Variants in SAP30BP observed in about 807,000 individuals in gnomAD.
SAP30BP encodes the protein SAP30 binding protein, also known as SAP30-binding protein.
SAP30BP carries 31 observed loss-of-function variants against 46.3 expected under a neutral mutation model. The observed-to-expected ratio is 0.67, with a 90% CI of 0.50 to 0.90. The LOEUF is 0.90. Among genes scored for constraint, SAP30BP ranks in the 40% least tolerant of loss-of-function variants. SAP30BP has a pLI of 0.00. For synonymous variants in SAP30BP, 169 were observed against 144.2 expected (o/e 1.17, Z -1.23); for missense variants, 312 against 391.0 (o/e 0.80, Z 1.70).
At chr17:75,691,645 C>T (rs1382296450) in intron 3 of SAP30BP, 3 of 370,238 alleles carry the variant, frequency 8.1e-6, no homozygotes, top group African/African-American at 6.4e-5. Context: ...CAGTTGAGTC[C>T]ATGAGAAGGG....
rs2060491356 is a variant in SAP30BP at position 75,705,995 on chromosome 17, T to C, written c.661-13T>C. The stretch of plus-strand genomic sequence containing the variant: ...CTTTGCCTGGTCTTATTCTCTTCCC[T>C]CTCCCTCTCCAGATTGAGTTTGTGA... On this transcript the variant is annotated splice_polypyrimidine_tract_variant and intron_variant, in intron 9 of 10. Transcript: ENST00000584667. 6.2e-7 allele frequency: 1 copy of C among 1,612,130 alleles called. No homozygotes were observed. Among genetic ancestry groups the C allele is most frequent in the African/African-American group, 1.3e-5 (1 of 74,854 alleles).
intron 3 of SAP30BP, chr17:75,692,167 T>C (rs568652326): frequency 3.2e-6 from 3 of 938,924 alleles, no homozygotes; most frequent in Non-Finnish European, 1.3e-6. Context: ...GAATGGGGAA[T>C]TTGGCCTGTC....
intron 3 of SAP30BP, chr17:75,691,599 A>T: frequency 2.4e-6 from 1 of 414,156 alleles, no homozygotes; most frequent in South Asian, 1.8e-5. Flanking sequence ...TTTGGGGTAG[A>T]CATGGTAGAC....
At chr17:75,702,345 A>C (rs1407513129) in intron 5 of SAP30BP, 135 bp from the exon 6 acceptor site, 1 of 505,946 alleles carries the variant, frequency 2.0e-6, no homozygotes, top group Non-Finnish European at 3.7e-6. Flanking sequence ...AAATTTTAAC[A>C]TGAGGTCAAG....
chr17:75,681,363 C>G (rs2148387071), intron 3 of SAP30BP, among the ~76,000 whole-genome samples: 1 of 152,324 alleles, frequency 6.6e-6, no homozygotes, highest in Admixed American at 6.5e-5. Context: ...GGTTCTCTGC[C>G]TCAGTGGCTA....
chr17:75,691,547 C>T (rs1401562256), intron 3 of SAP30BP: 1 of 450,734 alleles, frequency 2.2e-6, no homozygotes, highest in Admixed American at 2.5e-5. Context: ...TGTGTTTCCC[C>T]TTGAAGAGCC....
chr17:75,691,346 G>A (rs1296545026), intron 3 of SAP30BP: 2 of 443,200 alleles, frequency 4.5e-6, no homozygotes, highest in Non-Finnish European at 4.5e-6. Context: ...TAAAATAAAG[G>A]GATAAAATAC....
intron 3 of SAP30BP, among the ~76,000 whole-genome samples, chr17:75,678,776 CAG>C (rs979819351): frequency 2.0e-5 from 3 of 152,132 alleles, no homozygotes; most frequent in African/African-American, 7.2e-5. Context: ...AGCTGGAAGA[CAG>C]AAGACTCGGG....
chr17:75,685,733 A>G (rs952832231), intron 3 of SAP30BP, among the ~76,000 whole-genome samples: 7 of 152,090 alleles, frequency 4.6e-5, no homozygotes, highest in Non-Finnish European at 7.4e-5. Flanking sequence ...AACCTAAAGC[A>G]CAGAGATACT....
chr17:75,674,055 A>G (rs986202969), intron 3 of SAP30BP, among the ~76,000 whole-genome samples: 5 of 152,186 alleles, frequency 3.3e-5, no homozygotes, highest in Non-Finnish European at 7.3e-5. Flanking sequence ...AGAAGGGTTT[A>G]GATAAAGCTT....
chr17:75,680,628 T>C (rs1436448333), intron 3 of SAP30BP, among the ~76,000 whole-genome samples: 1 of 152,228 alleles, frequency 6.6e-6, no homozygotes, highest in African/African-American at 2.4e-5. Flanking sequence ...GCCTTTTCAG[T>C]GTAACTAAGT....
intron 5 of SAP30BP, among the ~76,000 whole-genome samples, chr17:75,701,305 C>G (rs537935936): frequency 1.3e-5 from 2 of 152,302 alleles, no homozygotes; most frequent in African/African-American, 4.8e-5. Context: ...TGCCCTGGGC[C>G]AGTGCCCGCC....
chr17:75,698,229 G>A (rs982833363), intron 4 of SAP30BP, among the ~76,000 whole-genome samples: 2 of 152,248 alleles, frequency 1.3e-5, no homozygotes, highest in African/African-American at 2.4e-5. Flanking sequence ...ATTGTCCCCT[G>A]GGGGTTGTGG....
intron 3 of SAP30BP, chr17:75,691,546 C>T (rs748972152): frequency 1.1e-5 from 5 of 450,758 alleles, no homozygotes; most frequent in Non-Finnish European, 2.2e-5. Flanking sequence ...GTGTGTTTCC[C>T]CTTGAAGAGC....
Position 75,702,766 on chromosome 17 carries a change from A to C in SAP30BP, c.488+195A>C, listed in dbSNP as rs1012952200. On this transcript the variant is annotated intron_variant, in intron 6 of 10. Coordinates refer to ENST00000584667, the MANE Select transcript of SAP30BP (RefSeq NM_013260.8). ...GGCTTGCCATTTAAGATCCAGAAAA[A>C]ACACAAAGCAATTCATACCGAGACC... 1.6e-5 allele frequency: 7 copies of C among 424,640 alleles called. No individual in the cohort carries two copies. In the South Asian group the frequency reaches 3.3e-4, roughly 20 times the overall value. The allele number at this position is 424,640 out of a possible 1,614,324, so 26.3% of individuals were successfully genotyped here. A position where few individuals can be genotyped will look rare whatever the true frequency, so the allele number is the denominator to read the frequency against.
chr17:75,696,619 A>G (rs1471998748), intron 4 of SAP30BP, among the ~76,000 whole-genome samples: 1 of 151,934 alleles, frequency 6.6e-6, no homozygotes, highest in Admixed American at 6.6e-5. Flanking sequence ...TCCAGGACTC[A>G]GAAGGGAGAG....
chr17:75,701,676 T>C (rs1049233849), intron 5 of SAP30BP, among the ~76,000 whole-genome samples: 1 of 152,172 alleles, frequency 6.6e-6, no homozygotes, highest in Admixed American at 6.5e-5. Flanking sequence ...TCCAAAAAAC[T>C]CTATTCCCGC....
chr17:75,687,440 A>AC (rs1853208692), intron 3 of SAP30BP, among the ~76,000 whole-genome samples: 1 of 151,776 alleles, frequency 6.6e-6, no homozygotes, highest in Non-Finnish European at 1.5e-5. Flanking sequence ...ACATAGTGAG[A>AC]CCCCATCTCT....
At chr17:75,705,305 G>A (rs1444171131) in intron 9 of SAP30BP, 2 of 170,814 alleles carry the variant, frequency 1.2e-5, no homozygotes, top group African/African-American at 4.8e-5. Flanking sequence ...GTTTGGCTGG[G>A]AGACCAAACT....
Sources: gnomAD v4.1 joint callset for allele counts (sites outside exome capture counted in the v4.1 genomes callset) on GRCh38, gnomAD v4.1.1 for gene constraint, MANE v1.5 for transcripts, NCBI Gene and HGNC (gene_info 2026-07-23, HGNC 2026-07-21) for gene names.